Variants in ARHGEF10L observed in about 807,000 individuals in gnomAD.
The protein encoded by ARHGEF10L is rho guanine nucleotide exchange factor 10-like protein.
A neutral mutation model predicts 141.2 loss-of-function variants in ARHGEF10L; 69 were observed. The ratio of observed to expected loss-of-function variants is 0.49; its 90% CI spans 0.40 to 0.60. The LOEUF (loss-of-function observed/expected upper bound fraction) is 0.60. Ranked by LOEUF, ARHGEF10L falls within the 20% of genes least tolerant of loss-of-function variation. The probability of loss-of-function intolerance (pLI) is 0.00; values close to 1 mark genes in which losing one functional copy is unlikely to be tolerated. For missense variants in ARHGEF10L, 1,482 were observed against 1,734.3 expected (o/e 0.85, Z 2.58); for synonymous variants, 711 against 718.5 (o/e 0.99, Z 0.17).
chr1:17,598,205 G>A (rs1456085723), intron 4 of ARHGEF10L, among the ~76,000 whole-genome samples: 6 of 151,634 alleles, frequency 4.0e-5, no homozygotes, highest in African/African-American at 1.5e-4. Context: ...GGGTTCAAGC[G>A]ATTCTCCCAT....
At chr1:17,674,289 T>G (rs1446362769) in intron 26 of ARHGEF10L, among the ~76,000 whole-genome samples, 1 of 152,312 alleles carries the variant, frequency 6.6e-6, no homozygotes, top group East Asian at 1.9e-4. Context: ...TAGTGGGCCC[T>G]GATTGGGGCT....
Position 17,603,458 on chromosome 1 carries a change from C to A in ARHGEF10L, c.350-50C>A. On this transcript the variant is annotated intron_variant, in intron 5 of 28. Coordinates refer to ENST00000361221, the MANE Select transcript of ARHGEF10L (RefSeq NM_018125.4). The surrounding 1 kb of genome is among the most constrained non-coding windows in gnomAD (Gnocchi z 4.8). ...TGATGTCATCTGCAGCACCTCTGGC[C>A]AGGCTGCCACAGCCCACGGTGGTGC... 1 of 1,525,848 alleles carries A rather than the reference C, an allele frequency of 6.6e-7. No homozygotes were observed. The highest frequency in any genetic ancestry group is 9.0e-7 in the Non-Finnish European group (1 of 1,108,970). The allele number at this position is 1,525,848 out of a possible 1,614,324, so 94.5% of individuals were successfully genotyped here.
upstream of ARHGEF10L, among the ~76,000 whole-genome samples, chr1:17,534,828 A>T (rs1385593960): frequency 1.3e-5 from 2 of 151,772 alleles, no homozygotes; most frequent in Admixed American, 6.6e-5. Context: ...ACCTCAGATG[A>T]TCCATCTGCC....
chr1:17,642,099 C>CA, intron 21 of ARHGEF10L, among the ~76,000 whole-genome samples: 1 of 151,950 alleles, frequency 6.6e-6, no homozygotes, highest in Non-Finnish European at 1.5e-5. Context: ...AGAATAATGA[C>CA]AAAAACAGAG....
the ARHGEF10L span, among the ~76,000 whole-genome samples, chr1:17,529,896 G>A: frequency 7.1e-6 from 1 of 140,598 alleles, no homozygotes; most frequent in African/African-American, 2.7e-5. Context: ...GCAGTGTGAC[G>A]ATCTCGGCTC....
At chr1:17,617,488 C>G (rs1038837516) in intron 9 of ARHGEF10L, among the ~76,000 whole-genome samples, 1 of 152,206 alleles carries the variant, frequency 6.6e-6, no homozygotes, top group African/African-American at 2.4e-5. Context: ...AGACCGGCCC[C>G]TGCTGCCCAT....
chr1:17,686,196 T>C (rs1387290226), intron 26 of ARHGEF10L, among the ~76,000 whole-genome samples: 1 of 152,082 alleles, frequency 6.6e-6, no homozygotes, highest in African/African-American at 2.4e-5. Flanking sequence ...GGGAGGACAG[T>C]ACAGAGCTGG....
intron 1 of ARHGEF10L, among the ~76,000 whole-genome samples, chr1:17,550,352 A>G (rs1482417614): frequency 1.3e-5 from 2 of 152,164 alleles, no homozygotes; most frequent in Admixed American, 6.5e-5. Flanking sequence ...TTAGAAGTCC[A>G]AGGGGGTAGG....
intron 26 of ARHGEF10L, 51 bp from the exon 27 acceptor site, chr1:17,687,522 G>A (rs780567299): frequency 2.5e-6 from 4 of 1,602,718 alleles, no homozygotes; most frequent in Non-Finnish European, 3.4e-6. Flanking sequence ...TTGTAGGGAG[G>A]CTCAGCTGGC....
At chr1:17,555,262 T>C (rs1239374101) in intron 1 of ARHGEF10L, among the ~76,000 whole-genome samples, 1 of 152,226 alleles carries the variant, frequency 6.6e-6, no homozygotes, top group Non-Finnish European at 1.5e-5. Flanking sequence ...TGCTTTTTTT[T>C]TTCTCCCAAT....
rs377365136 is a variant in ARHGEF10L, at chr1:17,568,266, C to G, written c.-43-12287C>G. Among the ~76,000 whole-genome samples the G allele has an allele frequency of 5.3e-5, 8 of 152,344 alleles. No individual in the cohort carries two copies. The South Asian group carries it at 1.0e-3, about 20-fold the overall frequency. On this transcript the variant is annotated intron_variant, in intron 1 of 28. Transcript: ENST00000361221. The stretch of plus-strand genomic sequence containing the variant: ...TTGAGCACTTACTGTGTTCCAGGCT[C>G]TCAGTGAAGCACTTTCTGAGAATTA...
intron 26 of ARHGEF10L, among the ~76,000 whole-genome samples, chr1:17,678,143 C>G (rs1353819235): frequency 6.6e-6 from 1 of 152,164 alleles, no homozygotes; most frequent in Non-Finnish European, 1.5e-5. Flanking sequence ...AGCCCTGGCA[C>G]CTGCTTGTAC....
chr1:17,528,477 A>G, the ARHGEF10L span, among the ~76,000 whole-genome samples: 1 of 151,892 alleles, frequency 6.6e-6, no homozygotes, highest in Non-Finnish European at 1.5e-5. Flanking sequence ...TCGACCTCTT[A>G]AAGTGTTATA....
intron 1 of ARHGEF10L, among the ~76,000 whole-genome samples, chr1:17,555,247 T>C (rs1366387045): frequency 6.6e-6 from 1 of 151,644 alleles, no homozygotes; most frequent in African/African-American, 2.4e-5. Context: ...TCTTTGAGTA[T>C]TGAATGCTTT....
chr1:17,596,008 C>T (rs570061820), intron 4 of ARHGEF10L, among the ~76,000 whole-genome samples: 54 of 152,330 alleles, frequency 3.5e-4, no homozygotes, highest in African/African-American at 1.3e-3. Flanking sequence ...GGCTGAGCCA[C>T]AGTCATATCC....
At chr1:17,522,151 G>C in the ARHGEF10L span, among the ~76,000 whole-genome samples, 1 of 152,166 alleles carries the variant, frequency 6.6e-6, no homozygotes, top group Admixed American at 6.5e-5. Flanking sequence ...GTGGCAGAGG[G>C]GTGGGAGGGG....
intron 1 of ARHGEF10L, among the ~76,000 whole-genome samples, chr1:17,548,294 G>T (rs183821033): frequency 1.3e-3 from 196 of 152,210 alleles, no homozygotes; most frequent in African/African-American, 4.4e-3. Context: ...ACTGTAAGGG[G>T]TCTCCATAGA....
In ARHGEF10L at chr1:17,687,636, G is replaced by A. The variant is rs988032188; in HGVS notation, c.3073G>A (p.Gly1025Ser). ...SVTHMVKAGS[G>S]VWMAFSSGTS... ...GACACACATGGTGAAGGCGGGCAGCGGCGTCTGGATGGCCTTCTCCTCCGG... is the reference window on the plus strand; with the variant it reads ...GACACACATGGTGAAGGCGGGCAGCAGCGTCTGGATGGCCTTCTCCTCCGG... The change falls in exon 27 of 29, where the codon GGC (glycine) becomes AGC (serine). Residue 1025 changes from glycine (G) to serine (S), a missense_variant. This residue lies in a region of ARHGEF10L where 858 missense variants were observed against 966.3 expected (regional missense o/e 0.89). Transcript: ENST00000361221. The A allele has an allele frequency of 9.9e-6, 16 of 1,612,708 alleles. No homozygotes were observed. Among genetic ancestry groups the A allele is most frequent in the South Asian group, 2.2e-5 (2 of 91,080 alleles).
chr1:17,669,334 C>T (rs1333184959), intron 26 of ARHGEF10L, among the ~76,000 whole-genome samples: 2 of 152,202 alleles, frequency 1.3e-5, no homozygotes. Flanking sequence ...TCCTCCCACC[C>T]TCGGGAAGTA....
Sources: gnomAD v4.1 joint callset for allele counts (sites outside exome capture counted in the v4.1 genomes callset) on GRCh38, gnomAD v4.1.1 for gene constraint, gnomAD v4.1.1 regional missense constraint, Gnocchi (gnomAD v3.1) non-coding constraint, MANE v1.5 for transcripts, NCBI Gene and HGNC (gene_info 2026-07-23, HGNC 2026-07-21) for gene names.